HVCN1: variants seen among roughly 807,000 people sequenced by gnomAD.
HVCN1 encodes the protein hydrogen voltage gated channel 1.
HVCN1 carries 14 observed loss-of-function variants against 29.2 expected under a neutral mutation model. The observed-to-expected ratio is 0.48, with a 90% CI of 0.32 to 0.75. The LOEUF (loss-of-function observed/expected upper bound fraction) is 0.75, where lower values mean the gene tolerates loss of function less well. HVCN1 is among the 30% of genes least tolerant of loss of function. The pLI is 0.04. For missense variants in HVCN1, 263 were observed against 341.8 expected (o/e 0.77, Z 1.82); for synonymous variants, 131 against 133.2 (o/e 0.98, Z 0.11).
At chr12:110,677,120 G>A (rs936737777) in intron 3 of HVCN1, among the ~76,000 whole-genome samples, 2 of 151,958 alleles carry the variant, frequency 1.3e-5, no homozygotes, top group Non-Finnish European at 2.9e-5. Flanking sequence ...GAGGCGGATC[G>A]CTTGAGCCCA....
At chr12:110,690,153 G>T (rs2069371712), upstream of HVCN1, among the ~76,000 whole-genome samples, 1 of 152,220 alleles carries the variant, frequency 6.6e-6, no homozygotes, top group African/African-American at 2.4e-5. Context: ...TGTGTTCCTT[G>T]CTTTTCCCGG....
intron 3 of HVCN1, among the ~76,000 whole-genome samples, chr12:110,681,899 T>G (rs2068992170): frequency 6.6e-6 from 1 of 151,894 alleles, no homozygotes; most frequent in Non-Finnish European, 1.5e-5. Flanking sequence ...ACCTCACATA[T>G]CAAAGACACA....
intron 3 of HVCN1, among the ~76,000 whole-genome samples, chr12:110,681,979 G>T (rs1267650409): frequency 6.6e-6 from 1 of 152,110 alleles, no homozygotes. Flanking sequence ...AGGCCAGGTT[G>T]AAATCCCAAT....
At chr12:110,654,134 A>G (rs1017753354) in intron 5 of HVCN1, among the ~76,000 whole-genome samples, 8 of 152,116 alleles carry the variant, frequency 5.3e-5, no homozygotes, top group African/African-American at 1.9e-4. Context: ...AATGGATTCT[A>G]TTAAAAATAG....
chr12:110,675,394 G>A (rs2068717996), intron 3 of HVCN1, among the ~76,000 whole-genome samples: 1 of 152,200 alleles, frequency 6.6e-6, no homozygotes, highest in Non-Finnish European at 1.5e-5. Context: ...GGGAGGCGGA[G>A]GTTGCAGTGA....
chr12:110,663,468 A>G (rs923107981), intron 3 of HVCN1, among the ~76,000 whole-genome samples: 1 of 151,396 alleles, frequency 6.6e-6, no homozygotes, highest in African/African-American at 2.4e-5. Flanking sequence ...CAGGCATGGT[A>G]GCACACCTGT....
intron 3 of HVCN1, among the ~76,000 whole-genome samples, chr12:110,672,961 T>C (rs1439931267): frequency 6.6e-6 from 1 of 152,178 alleles, no homozygotes; most frequent in Non-Finnish European, 1.5e-5. Flanking sequence ...TGAAAACTAA[T>C]ACAGTAAATT....
rs370838506 is a variant in HVCN1, at chr12:110,698,697, C to A, written c.-104+3612G>T. Among the ~76,000 whole-genome samples the A allele has an allele frequency of 1.1e-4, 17 of 152,348 alleles. No homozygotes were observed. In the East Asian group the frequency reaches 1.9e-3, roughly 17 times the overall value. ...CAGGAGTTTCCTCCTCCTGCGTCTCCTTCCTCTGGACAAGGCCCAGTGCTG... is the reference window on the plus strand; with the variant it reads ...CAGGAGTTTCCTCCTCCTGCGTCTCATTCCTCTGGACAAGGCCCAGTGCTG... On this transcript the variant is annotated intron_variant, in intron 2 of 4. Coordinates refer to the HVCN1 transcript ENST00000546713.
chr12:110,681,539 A>C (rs540135108), intron 3 of HVCN1, among the ~76,000 whole-genome samples: 1 of 152,216 alleles, frequency 6.6e-6, no homozygotes, highest in Non-Finnish European at 1.5e-5. Context: ...AAGGAAAAGC[A>C]TGAACAGTTC....
At chr12:110,653,823 T>C (rs1415767066) in intron 5 of HVCN1, among the ~76,000 whole-genome samples, 1 of 151,948 alleles carries the variant, frequency 6.6e-6, no homozygotes, top group East Asian at 1.9e-4. Context: ...GCCTGGGCGA[T>C]AGAGACTGTC....
intron 4 of HVCN1, among the ~76,000 whole-genome samples, chr12:110,660,478 G>T (rs1365000571): frequency 6.6e-6 from 1 of 152,232 alleles, no homozygotes; most frequent in African/African-American, 2.4e-5. Flanking sequence ...ATGAGGCAGG[G>T]GAGCCTCTGG....
chr12:110,693,459 G>T (rs769920726), upstream of HVCN1, among the ~76,000 whole-genome samples: 1 of 151,866 alleles, frequency 6.6e-6, no homozygotes, highest in Non-Finnish European at 1.5e-5. Context: ...CAGAAGAATC[G>T]CTTGAACCCG....
intron 3 of HVCN1, among the ~76,000 whole-genome samples, chr12:110,666,679 A>G (rs2068373037): frequency 6.6e-6 from 1 of 152,112 alleles, no homozygotes. Flanking sequence ...CTGAGCCATC[A>G]CACAGGCTGT....
At chr12:110,662,054 A>G (rs1157108444) in intron 3 of HVCN1, among the ~76,000 whole-genome samples, 1 of 152,238 alleles carries the variant, frequency 6.6e-6, no homozygotes, top group Non-Finnish European at 1.5e-5. Flanking sequence ...ATAAAGTTAA[A>G]TAATTGAAAT....
chr12:110,673,587 C>T (rs946206676), intron 3 of HVCN1, among the ~76,000 whole-genome samples: 2 of 152,126 alleles, frequency 1.3e-5, no homozygotes, highest in South Asian at 2.1e-4. Flanking sequence ...CCATCACAGA[C>T]CCAGAGGCCC....
chr12:110,695,341 T>C (rs1345152974), intron 2 of HVCN1, among the ~76,000 whole-genome samples: 2 of 151,574 alleles, frequency 1.3e-5, no homozygotes, highest in Admixed American at 6.6e-5. Flanking sequence ...ATTATAATTG[T>C]ATAATTACAT....
intron 3 of HVCN1, among the ~76,000 whole-genome samples, chr12:110,667,679 G>A (rs563859761): frequency 5.9e-5 from 9 of 152,252 alleles, no homozygotes; most frequent in East Asian, 3.9e-4. Flanking sequence ...TGATCCACCC[G>A]CCTCGGCCTC....
chr12:110,703,651 C>T (rs1007748454), intron 1 of HVCN1, among the ~76,000 whole-genome samples: 27 of 151,466 alleles, frequency 1.8e-4, no homozygotes, highest in African/African-American at 6.3e-4. Context: ...TAAAAACGAC[C>T]GCCCCACTTT....
At chr12:110,660,068 A>T (rs1174451142) in intron 4 of HVCN1, among the ~76,000 whole-genome samples, 1 of 151,094 alleles carries the variant, frequency 6.6e-6, no homozygotes, top group Non-Finnish European at 1.5e-5. Context: ...GTCTCCAATC[A>T]ATCAATCAAT....
Sources: gnomAD v4.1 joint callset for allele counts (sites outside exome capture counted in the v4.1 genomes callset) on GRCh38, gnomAD v4.1.1 for gene constraint, MANE v1.5 for transcripts, NCBI Gene and HGNC (gene_info 2026-07-23, HGNC 2026-07-21) for gene names.